ZNF90: variants seen among roughly 807,000 people sequenced by gnomAD.
ZNF90 encodes zinc finger protein 90.
Under a neutral mutation model 12.0 loss-of-function variants are expected in ZNF90, and 11 were observed. The ratio of observed to expected loss-of-function variants is 0.92; its 90% CI spans 0.58 to 1.52. The LOEUF is 1.52. Among genes scored for constraint, ZNF90 ranks in the 40% most tolerant of loss-of-function variants. ZNF90 has a pLI of 0.00. For missense variants in ZNF90, 765 were observed against 711.5 expected, an observed-to-expected ratio of 1.08 and a Z score of -0.86; for synonymous variants, 232 against 240.1, an observed-to-expected ratio of 0.97 and a Z score of 0.31.
intron 1 of ZNF90, among the ~76,000 whole-genome samples, chr19:20,098,237 A>T (rs1228658493): frequency 6.6e-6 from 1 of 152,234 alleles, no homozygotes; most frequent in Non-Finnish European, 1.5e-5. Context: ...GTCCTCTGCC[A>T]GGAATTTACA....
At chr19:20,113,614 G>A (rs2089110420) in intron 3 of ZNF90, among the ~76,000 whole-genome samples, 1 of 152,072 alleles carries the variant, frequency 6.6e-6, no homozygotes, top group African/African-American at 2.4e-5. Flanking sequence ...CGGATCATGA[G>A]GTCAGGAAAT....
chr19:20,098,718 T>C lies in ZNF90; in HGVS notation c.4-5521T>C, dbSNP rs113081560. On this transcript the variant is annotated intron_variant, in intron 1 of 3. Transcript: ENST00000418063. ...GTCACTGAGAATTCTGTCACAATCA[T>C]CTAGATGTCTTTGAGGCATTGGAGG... Among the ~76,000 whole-genome samples the C allele has an allele frequency of 4.0e-3, 614 of 152,304 alleles. 6 individuals are homozygous for C. The highest frequency in any genetic ancestry group is 0.014 in the African/African-American group (585 of 41,570).
chr19:20,113,715 C>T (rs1166065877), intron 3 of ZNF90, among the ~76,000 whole-genome samples: 1 of 151,976 alleles, frequency 6.6e-6, no homozygotes, highest in Non-Finnish European at 1.5e-5. Context: ...ATAGTCCCAG[C>T]TACTAGGGAG....
intron 1 of ZNF90, among the ~76,000 whole-genome samples, chr19:20,089,606 A>AG (rs1409611983): frequency 1.3e-5 from 2 of 152,110 alleles, no homozygotes; most frequent in African/African-American, 2.4e-5. Flanking sequence ...AGGTCCAAAT[A>AG]GGGGGGAAGT....
chr19:20,088,215 G>T (rs1173228817), intron 1 of ZNF90, among the ~76,000 whole-genome samples: 1 of 151,802 alleles, frequency 6.6e-6, no homozygotes, highest in Non-Finnish European at 1.5e-5. Context: ...TTTGGGGGGT[G>T]GTATGGAGAG....
At chr19:20,109,854 T>G (rs1369220165) in intron 3 of ZNF90, among the ~76,000 whole-genome samples, 2 of 151,790 alleles carry the variant, frequency 1.3e-5, no homozygotes, top group African/African-American at 2.4e-5. Flanking sequence ...AAAAAAAAGC[T>G]GTTTATTTCA....
At position 20,108,277 on chromosome 19, in the gene ZNF90, G is replaced by T. The variant is rs146200279; in HGVS notation, c.226+2961G>T. Among the ~76,000 whole-genome samples, 359 of 152,242 alleles carry T rather than the reference G, an allele frequency of 2.4e-3. 3 individuals carry two copies. Among genetic ancestry groups the T allele is most frequent in the African/African-American group, 8.6e-3 (356 of 41,552 alleles). On this transcript the variant is annotated intron_variant, in intron 3 of 3. Coordinates refer to ENST00000418063, the MANE Select transcript of ZNF90 (RefSeq NM_007138.2). The stretch of plus-strand genomic sequence containing the variant: ...TACCTGTATATGATGAATACATAGT[G>T]ATGGTTAAATATTGCAGTTACTTAG...
At position 20,078,144 on chromosome 19, in the gene ZNF90, G is replaced by C. The variant is rs1426745373; in HGVS notation, c.3+9G>C. On this transcript the variant is annotated intron_variant, in intron 1 of 3. Coordinates refer to ENST00000418063, the MANE Select transcript of ZNF90 (RefSeq NM_007138.2). ...CCGGAAGCCTAGAAATGGTGAGAGT[G>C]CCTTTCCAGCATTCCGAGAGAGGGG... The C allele has an allele frequency of 4.3e-6, 7 of 1,614,046 alleles. No individual in the cohort carries two copies. Among genetic ancestry groups the C allele is most frequent in the Non-Finnish European group, 5.9e-6 (7 of 1,180,034 alleles).
chr19:20,081,872 C>T (rs537031283), intron 1 of ZNF90, among the ~76,000 whole-genome samples: 41 of 151,592 alleles, frequency 2.7e-4, no homozygotes, highest in Non-Finnish European at 5.6e-4. Flanking sequence ...TCACACTATT[C>T]TCCTGCCTCA....
At position 20,117,509 on chromosome 19, in the gene ZNF90, G is replaced by C. The variant is rs56291775; in HGVS notation, c.227-272G>C. ...GTGGAGTGCAGTGGTGTGATCTTGG[G>C]TCACCGCAATCTCCGCCTCCCAGGC... On this transcript the variant is annotated intron_variant, in intron 3 of 3. Transcript: ENST00000418063. The C allele has an allele frequency of 0.02, 16,096 of 800,226 alleles. 2,186 individuals carry two copies. In the African/African-American group the frequency reaches 0.29, roughly 14 times the overall value. The allele number at this position is 800,226 out of a possible 1,614,324, so 49.6% of individuals were successfully genotyped here.
intron 1 of ZNF90, among the ~76,000 whole-genome samples, chr19:20,085,323 G>C (rs868960132): frequency 7.1e-6 from 1 of 141,336 alleles, no homozygotes; most frequent in East Asian, 2.2e-4. Flanking sequence ...GCAGTGGCCC[G>C]ATCTCGGCTC....
At chr19:20,095,334 C>T (rs782571810) in intron 1 of ZNF90, among the ~76,000 whole-genome samples, 6 of 151,952 alleles carry the variant, frequency 3.9e-5, no homozygotes, top group African/African-American at 4.8e-5. Context: ...GAGCCACTGT[C>T]GATTTGTATT....
intron 1 of ZNF90, among the ~76,000 whole-genome samples, chr19:20,091,505 G>A (rs1019557549): frequency 2.6e-5 from 4 of 152,186 alleles, no homozygotes; most frequent in East Asian, 1.9e-4. Context: ...GGAAGTTTCC[G>A]TGGGGGAGTA....
intron 3 of ZNF90, among the ~76,000 whole-genome samples, chr19:20,109,022 T>G (rs1232504483): frequency 6.6e-6 from 1 of 152,152 alleles, no homozygotes; most frequent in African/African-American, 2.4e-5. Flanking sequence ...CGTGCCCGGC[T>G]TCAGTGTAGG....
chr19:20,078,178 G>T, intron 1 of ZNF90, 43 bp downstream of exon 1: 1 of 1,613,682 alleles, frequency 6.2e-7, no homozygotes, highest in Non-Finnish European at 8.5e-7. Context: ...GGAGGGACTG[G>T]TTGGAACCGA....
chr19:20,093,590 C>T (rs1233982886), intron 1 of ZNF90, among the ~76,000 whole-genome samples: 1 of 151,890 alleles, frequency 6.6e-6, no homozygotes, highest in African/African-American at 2.4e-5. Flanking sequence ...AATATCTTGG[C>T]CTAATAAGGG....
intron 1 of ZNF90, among the ~76,000 whole-genome samples, chr19:20,095,046 A>G (rs1421563574): frequency 1.3e-5 from 2 of 151,906 alleles, no homozygotes; most frequent in Non-Finnish European, 2.9e-5. Context: ...TCGGCCTGGC[A>G]ATGAGCAGCC....
intron 3 of ZNF90, among the ~76,000 whole-genome samples, chr19:20,106,060 T>TC (rs1555704380): frequency 6.7e-6 from 1 of 148,842 alleles, no homozygotes; most frequent in Non-Finnish European, 1.5e-5. Flanking sequence ...TTTTTTTTTT[T>TC]TTTTTTTGGT....
intron 1 of ZNF90, among the ~76,000 whole-genome samples, chr19:20,094,949 T>C (rs548909278): frequency 7.2e-5 from 11 of 152,082 alleles, no homozygotes; most frequent in African/African-American, 2.7e-4. Flanking sequence ...GGAACTAAAC[T>C]GTAAGCCGGA....
Sources: allele counts gnomAD v4.1 joint callset (sites outside exome capture counted in the v4.1 genomes callset), GRCh38; gene constraint gnomAD v4.1.1; transcripts MANE v1.5; gene names NCBI Gene and HGNC (gene_info 2026-07-23, HGNC 2026-07-21).